Variants in SNTG2 observed in about 807,000 individuals in gnomAD.
SNTG2 encodes the protein gamma-2-syntrophin.
SNTG2 carries 74 observed loss-of-function variants against 70.9 expected under a neutral mutation model. That is an observed-to-expected ratio of 1.04 (90% CI 0.86 to 1.27). The LOEUF (loss-of-function observed/expected upper bound fraction) is 1.27, where lower values mean the gene tolerates loss of function less well. Ranked by LOEUF, SNTG2 falls within the 50% of genes most tolerant of loss-of-function variation. The pLI, the probability that SNTG2 is intolerant of heterozygous loss-of-function variation, is 0.00. For synonymous variants in SNTG2, 278 were observed against 273.8 expected (o/e 1.02, Z -0.15); for missense variants, 717 against 690.7 (o/e 1.04, Z -0.43).
At chr2:1,003,222 C>T (rs1037081836) in intron 1 of SNTG2, among the ~76,000 whole-genome samples, 5 of 152,074 alleles carry the variant, frequency 3.3e-5, no homozygotes, top group African/African-American at 1.2e-4. Context: ...AAACTGCACA[C>T]GTACCCCCTA....
At chr2:1,095,667 A>G (rs1665344421) in intron 2 of SNTG2, among the ~76,000 whole-genome samples, 1 of 152,122 alleles carries the variant, frequency 6.6e-6, no homozygotes, top group African/African-American at 2.4e-5. Flanking sequence ...ACAGTTTTAA[A>G]ATGTCATTCT....
intron 16 of SNTG2, among the ~76,000 whole-genome samples, chr2:1,355,757 C>T (rs1472219273): frequency 6.6e-6 from 1 of 152,054 alleles, no homozygotes; most frequent in African/African-American, 2.4e-5. Context: ...TTTGAGAAAC[C>T]CCCATACTAT....
chr2:1,218,007 C>G (rs1309091362), intron 9 of SNTG2, among the ~76,000 whole-genome samples: 1 of 152,062 alleles, frequency 6.6e-6, no homozygotes, highest in African/African-American at 2.4e-5. Context: ...AAGGCTCACT[C>G]AGGGTTGCTG....
At chr2:1,038,836 C>G (rs1661275403) in intron 1 of SNTG2, among the ~76,000 whole-genome samples, 1 of 152,180 alleles carries the variant, frequency 6.6e-6, no homozygotes, top group South Asian at 2.1e-4. Flanking sequence ...AATGTGGCAT[C>G]TAATGAACTA....
chr2:1,359,202 T>A (rs2148316502), intron 16 of SNTG2, among the ~76,000 whole-genome samples: 1 of 152,272 alleles, frequency 6.6e-6, no homozygotes, highest in East Asian at 1.9e-4. Context: ...TTTTTAAAAT[T>A]TTGTATATGA....
intron 14 of SNTG2, among the ~76,000 whole-genome samples, chr2:1,291,705 GTCTT>G (rs1466240177): frequency 6.6e-6 from 1 of 152,120 alleles, no homozygotes; most frequent in Non-Finnish European, 1.5e-5. Context: ...ATTGATCTAT[GTCTT>G]TCTTTATGCC....
chr2:1,098,664 C>T (rs927969200), intron 4 of SNTG2, among the ~76,000 whole-genome samples: 2 of 152,170 alleles, frequency 1.3e-5, no homozygotes, highest in Non-Finnish European at 2.9e-5. Context: ...GTTATCCCCC[C>T]TCTAAAGATA....
intron 7 of SNTG2, among the ~76,000 whole-genome samples, chr2:1,172,384 C>T (rs1028335135): frequency 6.6e-6 from 1 of 152,178 alleles, no homozygotes; most frequent in Non-Finnish European, 1.5e-5. Context: ...GGCTAAAACA[C>T]TAAGCCACAT....
intron 2 of SNTG2, among the ~76,000 whole-genome samples, chr2:1,091,866 C>A (rs916855138): frequency 2.0e-5 from 3 of 152,188 alleles, no homozygotes; most frequent in South Asian, 4.1e-4. Flanking sequence ...AGTTTGAAAT[C>A]ATTGCATCCA....
At chr2:990,257 C>A (rs1328518677) in intron 1 of SNTG2, among the ~76,000 whole-genome samples, 2 of 152,172 alleles carry the variant, frequency 1.3e-5, no homozygotes, top group African/African-American at 4.8e-5. Context: ...TCAGAGAGGC[C>A]TTGCTGTGTA....
At chr2:969,041 A>G (rs185442535) in intron 1 of SNTG2, among the ~76,000 whole-genome samples, 122 of 152,248 alleles carry the variant, frequency 8.0e-4, no homozygotes, top group Non-Finnish European at 1.3e-3. Context: ...TGATTTTAGT[A>G]TATGGTGAAA....
intron 9 of SNTG2, among the ~76,000 whole-genome samples, chr2:1,222,507 C>T (rs919360287): frequency 0.014 from 1,814 of 133,852 alleles, 28 homozygotes; most frequent in African/African-American, 0.024. Flanking sequence ...TGATGGAGGG[C>T]GTCTCCCTGT....
At chr2:1,239,803 A>T (rs370578090) in intron 11 of SNTG2, 27 bp downstream of exon 11, 323 of 1,608,804 alleles carry the variant, frequency 2.0e-4, no homozygotes, top group Non-Finnish European at 2.6e-4. Flanking sequence ...CTGCTTCATG[A>T]TGTAACACAT....
chr2:1,120,123 G>A (rs1325988399), intron 4 of SNTG2, among the ~76,000 whole-genome samples: 1 of 151,876 alleles, frequency 6.6e-6, no homozygotes, highest in African/African-American at 2.4e-5. Context: ...ATGAGAAAAT[G>A]GTATTGATCA....
At position 1,307,153 on chromosome 2, in the gene SNTG2, T is replaced by C. The variant is rs999286653; in HGVS notation, c.1285-1341T>C. On this transcript the variant is annotated intron_variant, in intron 14 of 16. Coordinates refer to ENST00000308624, the MANE Select transcript of SNTG2 (RefSeq NM_018968.4). ...CTCTGTGTGTGTGGTGGGAGCCATG[T>C]GCTGTGTGTGTGTGTGTGTGTGTGG... Among the ~76,000 whole-genome samples, 332 of 126,884 alleles carry C rather than the reference T, an allele frequency of 2.6e-3. 1 individual carries two copies. Among genetic ancestry groups the C allele is most frequent in the African/African-American group, 9.6e-3 (305 of 31,866 alleles). 83.2% of individuals were successfully genotyped at this position (126,884 alleles called of 152,430 possible). A position where few individuals can be genotyped will look rare whatever the true frequency, so the allele number is the denominator to read the frequency against.
intron 8 of SNTG2, among the ~76,000 whole-genome samples, chr2:1,178,573 G>T (rs1347397403): frequency 6.6e-6 from 1 of 152,110 alleles, no homozygotes. Flanking sequence ...TGTGGTTTTT[G>T]TCATTGGTTA....
intron 9 of SNTG2, among the ~76,000 whole-genome samples, chr2:1,220,870 G>A (rs897391473): frequency 3.3e-5 from 5 of 152,168 alleles, no homozygotes; most frequent in East Asian, 1.9e-4. Context: ...CCCCCTCCAC[G>A]GGCACGTAGG....
intron 16 of SNTG2, among the ~76,000 whole-genome samples, chr2:1,334,272 A>G (rs1457308214): frequency 4.6e-5 from 7 of 152,324 alleles, no homozygotes; most frequent in African/African-American, 2.4e-5. Context: ...AAGAATGGCC[A>G]TAATCAAAAA....
chr2:1,042,319 T>G (rs1661483470), intron 1 of SNTG2, among the ~76,000 whole-genome samples: 1 of 152,220 alleles, frequency 6.6e-6, no homozygotes, highest in Non-Finnish European at 1.5e-5. Context: ...CATCTTCTTA[T>G]TCACAAATAT....
Sources: allele counts gnomAD v4.1 joint callset (sites outside exome capture counted in the v4.1 genomes callset), GRCh38; gene constraint gnomAD v4.1.1; transcripts MANE v1.5; gene names NCBI Gene and HGNC (gene_info 2026-07-23, HGNC 2026-07-21).